The following IFT43 variants were observed in gnomAD, a reference collection of about 807,000 sequenced individuals.
IFT43 encodes intraflagellar transport protein 43 homolog.
In IFT43, 33 loss-of-function variants were observed where a neutral mutation model predicts 32.3. The ratio of observed to expected loss-of-function variants is 1.02; its 90% CI spans 0.77 to 1.37. The LOEUF is 1.37. Among genes scored for constraint, IFT43 ranks in the 40% most tolerant of loss-of-function variants. IFT43 has a pLI of 0.00. For missense variants in IFT43, 274 were observed against 265.9 expected (o/e 1.03, Z -0.21); for synonymous variants, 93 against 98.2 (o/e 0.95, Z 0.31).
chr14:76,048,506 C>T (rs1302930292), intron 3 of IFT43, among the ~76,000 whole-genome samples: 1 of 152,214 alleles, frequency 6.6e-6, no homozygotes, highest in Admixed American at 6.5e-5. Context: ...CATCTGTGAA[C>T]ATCACACCTA....
In IFT43 at chr14:76,075,354, C is replaced by A. The variant is rs1329161812; in HGVS notation, c.296-6941C>A. Among the ~76,000 whole-genome samples the A allele has an allele frequency of 3.3e-5, 5 of 152,130 alleles. No homozygotes were observed. In the East Asian group the frequency reaches 9.6e-4, roughly 29 times the overall value. On this transcript the variant is annotated intron_variant, in intron 5 of 8. Transcript: ENST00000314067. Reference sequence around the variant, plus strand: ...TAGAGACCTGAGACGTGTTTGTGCCCCTTTTCCCCTGATTCGAGGAGTGCA... The same window carrying A: ...TAGAGACCTGAGACGTGTTTGTGCCACTTTTCCCCTGATTCGAGGAGTGCA...
At chr14:76,017,675 A>T (rs2036214339) in intron 2 of IFT43, among the ~76,000 whole-genome samples, 1 of 152,038 alleles carries the variant, frequency 6.6e-6, no homozygotes, top group Admixed American at 6.6e-5. Context: ...AAAGCTATCT[A>T]GTCTTGGGCT....
rs752791398 is a variant in IFT43 at position 76,059,380 on chromosome 14, G to C, written c.295+7G>C. 5.6e-6 allele frequency: 9 copies of C among 1,613,794 alleles called. No individual in the cohort carries two copies. Among genetic ancestry groups the C allele is most frequent in the Non-Finnish European group, 6.8e-6 (8 of 1,179,698 alleles). On this transcript the variant is annotated splice_region_variant and intron_variant, in intron 5 of 8. Coordinates refer to ENST00000314067, the MANE Select transcript of IFT43 (RefSeq NM_001102564.3). ...GGATCAGATTATGGAGGAGGTAAGA[G>C]GCCCTTGGAGGAAGTCAAAAGGTCT...
At chr14:75,998,489 G>T (rs186354883) in intron 2 of IFT43, among the ~76,000 whole-genome samples, 1 of 152,224 alleles carries the variant, frequency 6.6e-6, no homozygotes, top group African/African-American at 2.4e-5. Context: ...AGGACCACTT[G>T]TGTTTAGGAA....
intron 3 of IFT43, among the ~76,000 whole-genome samples, chr14:76,029,758 G>A: frequency 6.6e-6 from 1 of 152,032 alleles, no homozygotes; most frequent in Admixed American, 6.6e-5. Flanking sequence ...CTTTGCCACA[G>A]ATTGGTTGGT....
At chr14:76,058,615 A>C (rs776867451) in intron 3 of IFT43, 27 bp from the exon 4 acceptor site, 4 of 1,601,490 alleles carry the variant, frequency 2.5e-6, no homozygotes, top group Non-Finnish European at 3.4e-6. Flanking sequence ...GCTCTCAAAA[A>C]CCTTGTCTTT....
chr14:76,029,871 A>ATTTTATTTATTTTATT (rs1555365097), intron 3 of IFT43, among the ~76,000 whole-genome samples: 1 of 142,836 alleles, frequency 7.0e-6, no homozygotes, highest in African/African-American at 2.6e-5. Flanking sequence ...ATTTTATTTT[A>ATTTTATTTATTTTATT]TTTTATTTTA....
chr14:76,055,546 TG>T (rs2140043593), intron 3 of IFT43, among the ~76,000 whole-genome samples: 1 of 152,180 alleles, frequency 6.6e-6, no homozygotes, highest in South Asian at 2.1e-4. Context: ...GCCACTAAAT[TG>T]GTTTCATGGC....
intron 5 of IFT43, among the ~76,000 whole-genome samples, chr14:76,072,510 C>T (rs959403034): frequency 6.6e-6 from 1 of 152,166 alleles, no homozygotes; most frequent in African/African-American, 2.4e-5. Flanking sequence ...TCCGGGATTC[C>T]ATTTTCCTTG....
chr14:76,010,340 A>G (rs7145165), intron 2 of IFT43, among the ~76,000 whole-genome samples: 19,258 of 152,138 alleles, frequency 0.13, 2,659 homozygotes, highest in African/African-American at 0.34. Context: ...TCACGAGCAC[A>G]TGCATCAAGG....
chr14:76,050,871 A>G (rs1050658033), intron 3 of IFT43, among the ~76,000 whole-genome samples: 5 of 152,192 alleles, frequency 3.3e-5, no homozygotes, highest in Non-Finnish European at 7.3e-5. Flanking sequence ...GATAGCAGGC[A>G]TATTACATTT....
intron 2 of IFT43, among the ~76,000 whole-genome samples, chr14:76,010,676 A>G (rs1401510608): frequency 6.6e-6 from 1 of 151,990 alleles, no homozygotes; most frequent in East Asian, 1.9e-4. Context: ...ACTTCAGCAT[A>G]TATCTAAAAA....
rs10139714 is a variant in IFT43, at chr14:76,040,523, T to C, written c.216-18119T>C. On this transcript the variant is annotated intron_variant, in intron 3 of 8. Transcript: ENST00000314067. ...GGTGAGCACTTTCATGCACTTCTACTTGGGTTGATATAGTGACATTTGGTG... is the reference window on the plus strand; with the variant it reads ...GGTGAGCACTTTCATGCACTTCTACCTGGGTTGATATAGTGACATTTGGTG... 7.2e-3 allele frequency among the ~76,000 whole-genome samples: 1,100 copies of C among 152,302 alleles called. 12 individuals carry two copies. The highest frequency in any genetic ancestry group is 0.025 in the African/African-American group (1,049 of 41,562).
intron 6 of IFT43, 62 bp from the exon 7 acceptor site, chr14:76,082,555 G>A (rs955978120): frequency 2.8e-5 from 44 of 1,597,108 alleles, no homozygotes; most frequent in Middle Eastern, 1.7e-4. Flanking sequence ...ACGGTGGCCC[G>A]GCAGCACTCC....
intron 2 of IFT43, among the ~76,000 whole-genome samples, chr14:75,997,177 C>T (rs1395487205): frequency 6.8e-6 from 1 of 146,688 alleles, no homozygotes; most frequent in African/African-American, 2.7e-5. Context: ...GTTCTGGAGA[C>T]AAGAGAGAGA....
intron 2 of IFT43, among the ~76,000 whole-genome samples, chr14:76,002,931 T>C (rs1321098672): frequency 3.3e-5 from 5 of 152,250 alleles, no homozygotes; most frequent in Non-Finnish European, 1.5e-5. Flanking sequence ...GAGAGTGTGC[T>C]GTGAATATAG....
At chr14:76,082,536 G>A (rs2037529846) in intron 6 of IFT43, 81 bp from the exon 7 acceptor site, 2 of 1,532,418 alleles carry the variant, frequency 1.3e-6, no homozygotes, top group Non-Finnish European at 1.8e-6. Context: ...TGTATACAAG[G>A]TTCTGGGGAC....
rs1388240842 is a variant in IFT43 at position 75,999,091 on chromosome 14, C to T, written c.147+10114C>T. 3.7e-5 allele frequency among the ~76,000 whole-genome samples: 5 copies of T among 133,588 alleles called. No homozygotes were observed. In the East Asian group the frequency reaches 8.2e-4, roughly 22 times the overall value. The allele number at this position is 133,588 out of a possible 152,430, so 87.6% of individuals were successfully genotyped here. On this transcript the variant is annotated intron_variant, in intron 2 of 8. Transcript: ENST00000314067. ...TTGAGCTTCCTCTGTTTTATCTCTA[C>T]TATTTCTCTTTTTCCTGCATCTCTT...
intron 2 of IFT43, among the ~76,000 whole-genome samples, chr14:76,014,333 TA>T (rs1176791993): frequency 1.3e-5 from 2 of 152,138 alleles, no homozygotes; most frequent in African/African-American, 4.8e-5. Context: ...TAAGATGTTC[TA>T]AAAAAACCAT....
Sources: allele counts gnomAD v4.1 joint callset (sites outside exome capture counted in the v4.1 genomes callset), GRCh38; gene constraint gnomAD v4.1.1; transcripts MANE v1.5; gene names NCBI Gene and HGNC (gene_info 2026-07-23, HGNC 2026-07-21).